Variants in ANKRD13B observed in about 807,000 individuals in gnomAD.
The protein encoded by ANKRD13B is ankyrin repeat domain-containing protein 13B.
ANKRD13B carries 33 observed loss-of-function variants against 74.4 expected under a neutral mutation model. The ratio of observed to expected loss-of-function variants is 0.44; its 90% CI spans 0.34 to 0.59. The LOEUF (loss-of-function observed/expected upper bound fraction) is 0.59, where lower values mean the gene tolerates loss of function less well. Ranked by LOEUF, ANKRD13B falls within the 20% of genes least tolerant of loss-of-function variation. The pLI, the probability that ANKRD13B is intolerant of heterozygous loss-of-function variation, is 0.02. For synonymous variants in ANKRD13B, 341 were observed against 362.9 expected (o/e 0.94, Z 0.68); for missense variants, 676 against 877.9 (o/e 0.77, Z 2.91).
Position 29,608,986 on chromosome 17 carries a change from G to A in ANKRD13B, c.557G>A (p.Arg186Lys), listed in dbSNP as rs898496298. 9.3e-6 allele frequency: 15 copies of A among 1,614,042 alleles called. No individual in the cohort carries two copies. Among genetic ancestry groups the A allele is most frequent in the Non-Finnish European group, 1.3e-5 (15 of 1,180,058 alleles). The part of the protein sequence containing the change: ...WQRGNRSFVF[R>K]GQDTSAVVME... Reference sequence around the variant, plus strand: ...CGAGGGAACCGCAGCTTTGTCTTCAGGGGCCAAGGTCAGGCAGGCAGGAAG... The same window carrying A: ...CGAGGGAACCGCAGCTTTGTCTTCAAGGGCCAAGGTCAGGCAGGCAGGAAG... Residue 186 changes from arginine (R) to lysine (K), a missense_variant, in exon 5 of 15, where the codon AGG becomes AAG. Coordinates refer to ENST00000394859, the MANE Select transcript of ANKRD13B (RefSeq NM_152345.5). The surrounding 1 kb of genome is among the most constrained non-coding windows in gnomAD (Gnocchi z 6.4).
At chr17:29,605,654 A>G (rs1035268502) in intron 1 of ANKRD13B, among the ~76,000 whole-genome samples, 1 of 152,082 alleles carries the variant, frequency 6.6e-6, no homozygotes, top group African/African-American at 2.4e-5. Context: ...TTTTTTGTAG[A>G]GATGGGGTTT....
At position 29,613,991 on chromosome 17, in the gene ANKRD13B, C is replaced by T. The variant is rs2034710891; in HGVS notation, c.*409C>T. ...CCACTCCAGGACACTGCCCCTGAAGCCTTTGCATCTCTGCTCTTCACTCCT... is the reference window on the plus strand; with the variant it reads ...CCACTCCAGGACACTGCCCCTGAAGTCTTTGCATCTCTGCTCTTCACTCCT... On this transcript the variant is annotated 3_prime_UTR_variant, in exon 15 of 15. Transcript: ENST00000394859. 1 of 180,832 alleles carries T rather than the reference C, an allele frequency of 5.5e-6. No individual in the cohort carries two copies. Among genetic ancestry groups the T allele is most frequent in the Non-Finnish European group, 1.2e-5 (1 of 86,814 alleles). The allele number at this position is 180,832 out of a possible 1,614,324, so 11.2% of individuals were successfully genotyped here. A position where few individuals can be genotyped will look rare whatever the true frequency, so the allele number is the denominator to read the frequency against.
intron 1 of ANKRD13B, among the ~76,000 whole-genome samples, chr17:29,599,043 C>T (rs1017787088): frequency 1.3e-5 from 2 of 152,186 alleles, no homozygotes; most frequent in Admixed American, 6.5e-5. Context: ...AGGTGCTCAA[C>T]AGGCACTTGG....
chr17:29,604,824 T>G (rs768666787), intron 1 of ANKRD13B, among the ~76,000 whole-genome samples: 5 of 152,252 alleles, frequency 3.3e-5, no homozygotes, highest in Non-Finnish European at 5.9e-5. Context: ...ATTACAGGCA[T>G]GAGCCACTGC....
At chr17:29,595,102 G>GTCTTTGTTTA (rs2033909607) in intron 1 of ANKRD13B, among the ~76,000 whole-genome samples, 5 of 152,170 alleles carry the variant, frequency 3.3e-5, no homozygotes, top group Admixed American at 3.3e-4. Context: ...CTCAGACCCT[G>GTCTTTGTTTA]TCTTTGTTTA....
chr17:29,607,090 A>T (rs1274655960), intron 1 of ANKRD13B, among the ~76,000 whole-genome samples: 2 of 152,150 alleles, frequency 1.3e-5, no homozygotes, highest in East Asian at 3.8e-4. Context: ...AAAAGCTTTT[A>T]TCACTTTTAT....
At position 29,614,649 on chromosome 17, in the gene ANKRD13B, CAA is replaced by C. The variant is rs922301570; in HGVS notation, c.*1069_*1070del. On this transcript the variant is annotated 3_prime_UTR_variant, in exon 15 of 15. Transcript: ENST00000394859. ...CAGCCAGTGAGGCTCAGAAGGGACA[CAA>C]AGAGGGATGGAAGAAAAGAACAAAG... 6.6e-6 allele frequency: 1 copy of C among 152,554 alleles called. No individual in the cohort carries two copies. The highest frequency in any genetic ancestry group is 2.4e-5 in the African/African-American group (1 of 41,448). 9.5% of individuals were successfully genotyped at this position (152,554 alleles called of 1,614,324 possible).
chr17:29,612,021 G>C lies in ANKRD13B; in HGVS notation c.1100+15G>C. 6.2e-7 allele frequency: 1 copy of C among 1,609,362 alleles called. No homozygotes were observed. The highest frequency in any genetic ancestry group is 8.5e-7 in the Non-Finnish European group (1 of 1,177,434). On this transcript the variant is annotated intron_variant, in intron 10 of 14. Transcript: ENST00000394859. The surrounding 1 kb of genome is among the most constrained non-coding windows in gnomAD (Gnocchi z 6.1). ...AAGACACAGAAGTGAGGCCCCTGCC[G>C]GTGCTGGGAAGGTGGGGGGCCGGGG...
At chr17:29,593,844 G>A in intron 1 of ANKRD13B, 109 bp downstream of exon 1, 1 of 583,022 alleles carries the variant, frequency 1.7e-6, no homozygotes, top group Non-Finnish European at 2.5e-6. Context: ...AGTTTGCGGC[G>A]CGTCTTTGTT....
intron 1 of ANKRD13B, among the ~76,000 whole-genome samples, chr17:29,595,635 C>T (rs773800016): frequency 6.6e-6 from 1 of 152,142 alleles, no homozygotes; most frequent in Non-Finnish European, 1.5e-5. Context: ...TCTCTCCCAC[C>T]CCTCTGGCTG....
intron 1 of ANKRD13B, among the ~76,000 whole-genome samples, chr17:29,594,417 C>T (rs888083233): frequency 6.6e-6 from 1 of 152,192 alleles, no homozygotes; most frequent in African/African-American, 2.4e-5. Context: ...TGAGGTTCTG[C>T]GCACCAGGTG....
At position 29,604,119 on chromosome 17, in the gene ANKRD13B, T is replaced by C. The variant is rs368295187; in HGVS notation, c.115-3623T>C. 3.3e-5 allele frequency among the ~76,000 whole-genome samples: 5 copies of C among 152,318 alleles called. 1 individual carries two copies. The highest frequency in any genetic ancestry group is 9.6e-5 in the African/African-American group (4 of 41,566). On this transcript the variant is annotated intron_variant, in intron 1 of 14. Transcript: ENST00000394859. The stretch of plus-strand genomic sequence containing the variant: ...AATTTTGGACATTGTAAATATGATG[T>C]TAAGCATCTGGATTTGTTATTGTTC...
chr17:29,596,305 G>A lies in ANKRD13B; in HGVS notation c.114+2570G>A, dbSNP rs533570455. ...GCAGGGAGTGATGGGCAGATAGGAG[G>A]TGCCTGGTGAAGGGAAGGGGCACCC... On this transcript the variant is annotated intron_variant, in intron 1 of 14. Coordinates refer to ENST00000394859, the MANE Select transcript of ANKRD13B (RefSeq NM_152345.5). Among the ~76,000 whole-genome samples the A allele has an allele frequency of 3.3e-5, 5 of 152,370 alleles. No individual in the cohort carries two copies. In the South Asian group the frequency reaches 1.0e-3, roughly 32 times the overall value.
In ANKRD13B at chr17:29,611,879, C is replaced by G. The variant is rs1243840025; in HGVS notation, c.973C>G (p.Leu325Val). The change falls in exon 10 of 15, where the codon CTG (leucine) becomes GTG (valine). Residue 325 changes from leucine (L) to valine (V), a missense_variant. Leu to Val is a conservative substitution (Grantham distance 32). This residue lies in a region of ANKRD13B where 328 missense variants were observed against 518.4 expected (regional missense o/e 0.63). Coordinates refer to ENST00000394859, the MANE Select transcript of ANKRD13B (RefSeq NM_152345.5). The surrounding 1 kb of genome is among the most constrained non-coding windows in gnomAD (Gnocchi z 4.3). ...EQHGGPQNGT[L>V]ITQTLSQANP... ...GGCCCCTCCCCATGTGGTACAGACC[C>G]TGATCACTCAGACTCTGAGCCAAGC... is the stretch of plus-strand genomic sequence containing the variant. 7 of 1,609,010 alleles carry G rather than the reference C, an allele frequency of 4.4e-6. No homozygotes were observed. Among genetic ancestry groups the G allele is most frequent in the Non-Finnish European group, 5.9e-6 (7 of 1,177,176 alleles).
chr17:29,607,820 C>T lies in ANKRD13B; in HGVS notation c.193C>T (p.Arg65Cys), dbSNP rs770330525. 1.2e-5 allele frequency: 20 copies of T among 1,604,762 alleles called. No homozygotes were observed. Among genetic ancestry groups the T allele is most frequent in the Non-Finnish European group, 1.5e-5 (18 of 1,179,700 alleles). The change falls in exon 2 of 15, where the codon CGT becomes TGT. Residue 65 changes from arginine to cysteine, a missense_variant. Coordinates refer to ENST00000394859, the MANE Select transcript of ANKRD13B (RefSeq NM_152345.5). Reference protein sequence around the residue: ...ATTLGHLECARVLLAHGADVG... With the variant: ...ATTLGHLECACVLLAHGADVG... ...CACGCTGGGGCACCTTGAGTGTGCC[C>T]GTGTGCTCCTGGCGCACGGCGCAGA...
In ANKRD13B at chr17:29,612,314, C is replaced by T; in HGVS notation, c.1258+41C>T. ...CATTTCTCCTGAGCCCGTGGCGGGC[C>T]GACCGGGGTTTAGATGAGGTCGGGG... On this transcript the variant is annotated intron_variant, in intron 11 of 14. Transcript: ENST00000394859. The surrounding 1 kb of genome is among the most constrained non-coding windows in gnomAD (Gnocchi z 6.1). 1.9e-6 allele frequency: 3 copies of T among 1,612,242 alleles called. No individual in the cohort carries two copies. The highest frequency in any genetic ancestry group is 2.2e-5 in the South Asian group (2 of 91,034).
At chr17:29,594,772 G>C (rs1394110583) in intron 1 of ANKRD13B, among the ~76,000 whole-genome samples, 2 of 152,216 alleles carry the variant, frequency 1.3e-5, no homozygotes, top group Non-Finnish European at 2.9e-5. Flanking sequence ...GGTTAGCGCA[G>C]TTGCCCGCTG....
In ANKRD13B at chr17:29,612,915, G is replaced by A. The variant is rs1428614636; in HGVS notation, c.1604G>A (p.Ser535Asn). ...ACCATCTGGGAGGCGCTAACCAACAGCAAGCCAGGCACCCACCCCATGTCC... is the reference window on the plus strand; with the variant it reads ...ACCATCTGGGAGGCGCTAACCAACAACAAGCCAGGCACCCACCCCATGTCC... ...QVTIWEALTN[S>N]KPGTHPMSYE... Residue 535 changes from serine (S) to asparagine (N), a missense_variant, in exon 14 of 15, where the codon AGC (serine) becomes AAC (asparagine). Physicochemically the swap from Ser to Asn is conservative, Grantham distance 46. Coordinates refer to ENST00000394859, the MANE Select transcript of ANKRD13B (RefSeq NM_152345.5). This position sits in a 1 kb window ranked among gnomAD's most constrained non-coding sequence, Gnocchi z 6.1. The A allele has an allele frequency of 6.3e-7, 1 of 1,598,294 alleles. No individual in the cohort carries two copies. Among genetic ancestry groups the A allele is most frequent in the Non-Finnish European group, 8.5e-7 (1 of 1,179,718 alleles).
At chr17:29,606,889 A>T (rs1419244572) in intron 1 of ANKRD13B, among the ~76,000 whole-genome samples, 1 of 151,790 alleles carries the variant, frequency 6.6e-6, no homozygotes, top group Admixed American at 6.6e-5. Flanking sequence ...TCTCTACTAA[A>T]AATACAAAAA....
Sources: allele counts gnomAD v4.1 joint callset (sites outside exome capture counted in the v4.1 genomes callset), GRCh38; gene constraint gnomAD v4.1.1; regional missense constraint gnomAD v4.1.1; non-coding constraint Gnocchi (gnomAD v3.1); transcripts MANE v1.5; gene names NCBI Gene and HGNC (gene_info 2026-07-23, HGNC 2026-07-21).